Variants in STIM1 observed in about 807,000 individuals in gnomAD.
STIM1 encodes stromal interaction molecule 1.
STIM1 carries 25 observed loss-of-function variants against 74.7 expected under a neutral mutation model. The observed-to-expected ratio is 0.33, with a 90% CI of 0.24 to 0.47. The LOEUF (loss-of-function observed/expected upper bound fraction) is 0.47, where lower values mean the gene tolerates loss of function less well. Ranked by LOEUF, STIM1 falls within the 20% of genes least tolerant of loss-of-function variation. The probability of loss-of-function intolerance (pLI) is 1.00; values close to 1 mark genes in which losing one functional copy is unlikely to be tolerated. For missense variants in STIM1, 728 were observed against 920.8 expected, an observed-to-expected ratio of 0.79 and a Z score of 2.71; for synonymous variants, 328 against 348.8, an observed-to-expected ratio of 0.94 and a Z score of 0.66.
intron 1 of STIM1, among the ~76,000 whole-genome samples, chr11:3,902,210 G>T (rs1160261184): frequency 6.6e-6 from 1 of 152,212 alleles, no homozygotes; most frequent in East Asian, 1.9e-4. Context: ...GACTTTAGAG[G>T]TTAAGGGAAG....
chr11:4,001,390 G>A (rs981578252), intron 2 of STIM1, among the ~76,000 whole-genome samples: 40 of 152,190 alleles, frequency 2.6e-4, no homozygotes, highest in East Asian at 1.5e-3. Context: ...CTGATCTCTC[G>A]GCAGAAACTC....
rs553038770 is a variant in STIM1 at position 3,872,209 on chromosome 11, C to T, written c.139+15800C>T. The stretch of plus-strand genomic sequence containing the variant: ...CTGGGACTATAGGCGTGTGCCACCA[C>T]GCCCGGCTAAGTTTTGTATTTTTAG... On this transcript the variant is annotated intron_variant, in intron 1 of 12. Transcript: ENST00000526596. Among the ~76,000 whole-genome samples, 107 of 152,224 alleles carry T rather than the reference C, an allele frequency of 7.0e-4. 1 individual carries two copies. The highest frequency in any genetic ancestry group is 9.6e-4 in the African/African-American group (40 of 41,518).
intron 2 of STIM1, among the ~76,000 whole-genome samples, chr11:4,003,944 T>A (rs904611744): frequency 6.6e-6 from 1 of 152,042 alleles, no homozygotes; most frequent in Non-Finnish European, 1.5e-5. Context: ...TATACACCAA[T>A]AACAGACAAA....
intron 1 of STIM1, among the ~76,000 whole-genome samples, chr11:3,952,058 A>C (rs1466156254): frequency 5.3e-5 from 8 of 152,116 alleles, no homozygotes; most frequent in Non-Finnish European, 1.2e-4. Context: ...GCTGCCCAGC[A>C]CTGGGCTAGA....
chr11:3,895,659 TTTCTTTCTTTCTTTCC>T (rs1565104686), intron 1 of STIM1, among the ~76,000 whole-genome samples: 6 of 26,152 alleles, frequency 2.3e-4, no homozygotes, highest in African/African-American at 1.1e-3. Context: ...TCTTTCTTTC[TTTCTTTCTTTCTTTCC>T]TTCCTTCCTT....
chr11:3,857,742 G>A (rs1266015050), intron 1 of STIM1, among the ~76,000 whole-genome samples: 1 of 152,146 alleles, frequency 6.6e-6, no homozygotes, highest in Non-Finnish European at 1.5e-5. Flanking sequence ...GGAAATATAG[G>A]TCATGGTGGC....
At chr11:4,051,547 T>A (rs887279248) in intron 3 of STIM1, among the ~76,000 whole-genome samples, 12 of 152,010 alleles carry the variant, frequency 7.9e-5, no homozygotes, top group African/African-American at 2.9e-4. Context: ...TTCACCATGT[T>A]GGCCAGGATG....
In STIM1 at chr11:3,904,215, A is replaced by AG. The variant is rs2092419894; in HGVS notation, c.139+47806_139+47807insG. 2.4e-5 allele frequency among the ~76,000 whole-genome samples: 3 copies of AG among 126,720 alleles called. No homozygotes were observed. In the East Asian group the frequency reaches 7.5e-4, roughly 32 times the overall value. The allele number at this position is 126,720 out of a possible 152,430, so 83.1% of individuals were successfully genotyped here. A position where few individuals can be genotyped will look rare whatever the true frequency, so the allele number is the denominator to read the frequency against. The stretch of plus-strand genomic sequence containing the variant: ...CTGTCTCAAAAAAAAAAAAAAAAAA[A>AG]AAAAGAAAATATACTGGGAGAGAAA... On this transcript the variant is annotated intron_variant, in intron 1 of 12. Transcript: ENST00000526596.
rs1204872160 is a variant in STIM1 at position 3,887,675 on chromosome 11, T to C, written c.139+31266T>C. ...TTCGTTTTCAGATTTGATGAAAGAA[T>C]AGGGCATCTGTGGCCAGGCGCAATG... On this transcript the variant is annotated intron_variant, in intron 1 of 12. Transcript: ENST00000526596. Among the ~76,000 whole-genome samples, 9 of 152,044 alleles carry C rather than the reference T, an allele frequency of 5.9e-5. 1 individual carries two copies. Among genetic ancestry groups the C allele is most frequent in the Admixed American group, 4.6e-4 (7 of 15,270 alleles).
intron 2 of STIM1, among the ~76,000 whole-genome samples, chr11:3,993,369 C>T (rs2093632713): frequency 6.6e-6 from 1 of 152,144 alleles, no homozygotes. Context: ...ATAAAATATA[C>T]TTTGTGGCTG....
intron 3 of STIM1, among the ~76,000 whole-genome samples, chr11:4,047,307 C>T (rs1236029161): frequency 6.6e-6 from 1 of 152,012 alleles, no homozygotes; most frequent in African/African-American, 2.4e-5. Flanking sequence ...TTGGGAGACC[C>T]CATCTCTACA....
intron 1 of STIM1, among the ~76,000 whole-genome samples, chr11:3,914,697 C>T (rs1027095644): frequency 6.6e-6 from 1 of 152,176 alleles, no homozygotes; most frequent in African/African-American, 2.4e-5. Context: ...GCCTCGGCCT[C>T]CCAAAGTGCT....
chr11:3,935,193 G>T (rs1483059465), intron 1 of STIM1, among the ~76,000 whole-genome samples: 1 of 152,110 alleles, frequency 6.6e-6, no homozygotes, highest in African/African-American at 2.4e-5. Context: ...CATCTTACCC[G>T]TGTTTTTCTA....
At chr11:3,961,526 T>TC (rs2093285166) in intron 1 of STIM1, 1 of 151,340 alleles carries the variant, frequency 6.6e-6, no homozygotes, top group Admixed American at 6.6e-5. Context: ...ATTTTTTTTT[T>TC]GAGACAGAGT....
intron 6 of STIM1, among the ~76,000 whole-genome samples, chr11:4,070,568 C>T (rs112934051): frequency 0.021 from 3,176 of 152,252 alleles, 50 homozygotes; most frequent in Non-Finnish European, 0.032. Context: ...CTTTACTGTT[C>T]CCCAAAGAAA....
At chr11:3,960,282 T>G (rs746980676) in intron 1 of STIM1, among the ~76,000 whole-genome samples, 4 of 152,234 alleles carry the variant, frequency 2.6e-5, no homozygotes, top group Non-Finnish European at 5.9e-5. Context: ...GGAAAACAAC[T>G]GGTAGTATTT....
Position 4,091,359 on chromosome 11 carries a change from T to C in STIM1, c.1712T>C (p.Met571Thr), listed in dbSNP as rs1390592487. ...RQRVAPKPPQ[M>T]SRAADEALNA... ...CGTGTGGCCCCCAAACCTCCTCAGA[T>C]GAGCCGTGCTGCAGACGAGGCTCTC... Residue 571 changes from methionine to threonine, a missense_variant, in exon 13 of 13, where the codon ATG becomes ACG. By Grantham distance (81) the Met-to-Thr change is moderately conservative. Around this residue, in one of 5 missense-constraint regions of STIM1, gnomAD observed 352 missense variants for 370.1 expected, o/e 0.95. Transcript: ENST00000526596. 38 of 1,614,124 alleles carry C rather than the reference T, an allele frequency of 2.4e-5. No homozygotes were observed. Among genetic ancestry groups the C allele is most frequent in the Non-Finnish European group, 3.1e-5 (37 of 1,180,058 alleles).
intron 1 of STIM1, among the ~76,000 whole-genome samples, chr11:3,933,212 C>T (rs1273676126): frequency 6.6e-6 from 1 of 152,192 alleles, no homozygotes; most frequent in Non-Finnish European, 1.5e-5. Flanking sequence ...GTGTTGTTCA[C>T]ATGGGCTGTG....
At chr11:3,907,571 T>TA (rs2092486709) in intron 1 of STIM1, among the ~76,000 whole-genome samples, 1 of 152,232 alleles carries the variant, frequency 6.6e-6, no homozygotes, top group Admixed American at 6.5e-5. Flanking sequence ...CTGATTGCCC[T>TA]GCTTTTGCCC....
Sources: allele counts gnomAD v4.1 joint callset (sites outside exome capture counted in the v4.1 genomes callset), GRCh38; gene constraint gnomAD v4.1.1; regional missense constraint gnomAD v4.1.1; transcripts MANE v1.5; gene names NCBI Gene and HGNC (gene_info 2026-07-23, HGNC 2026-07-21).